NACC2: variants seen among roughly 807,000 people sequenced by gnomAD.
The protein encoded by NACC2 is nucleus accumbens-associated protein 2.
In NACC2, 8 loss-of-function variants were observed where a neutral mutation model predicts 25.1. The observed-to-expected ratio is 0.32, with a 90% CI of 0.19 to 0.57. The LOEUF (loss-of-function observed/expected upper bound fraction) is 0.57. Ranked by LOEUF, NACC2 falls within the 20% of genes least tolerant of loss-of-function variation. NACC2 has a pLI of 0.89. For synonymous variants in NACC2, 435 were observed against 294.7 expected, an observed-to-expected ratio of 1.48 and a Z score of -4.88; for missense variants, 644 against 650.2, an observed-to-expected ratio of 0.99 and a Z score of 0.10.
chr9:136,016,436 G>A lies in NACC2; in HGVS notation c.887-7C>T, dbSNP rs763176371. The A allele has an allele frequency of 1.9e-6, 3 of 1,610,764 alleles. No individual in the cohort carries two copies. The South Asian group carries it at 3.3e-5, about 18-fold the overall frequency. On this transcript the variant is annotated splice_polypyrimidine_tract_variant and splice_region_variant and intron_variant, in intron 2 of 5. Transcript: ENST00000277554. ...GGCTCAGGCTTCTCTTGCACTGTGG[G>A]CCCAGAACCAACCTGGTCAGATGGG...
chr9:136,067,672 T>G lies in NACC2; in HGVS notation c.-59-17092A>C, dbSNP rs150241294. ...CAACATGGTGAAACCCTGTCTCTAC[T>G]GAAAATACAAAAATTAGCCGAGCGT... On this transcript the variant is annotated intron_variant, in intron 1 of 5. Transcript: ENST00000277554. Among the ~76,000 whole-genome samples, 630 of 152,276 alleles carry G rather than the reference T, an allele frequency of 4.1e-3. 23 individuals are homozygous for G. The East Asian group carries it at 0.1, about 25-fold the overall frequency.
At chr9:136,059,212 C>T (rs1233049022) in intron 1 of NACC2, among the ~76,000 whole-genome samples, 1 of 152,190 alleles carries the variant, frequency 6.6e-6, no homozygotes, top group Admixed American at 6.5e-5. Flanking sequence ...AGGGCCATTC[C>T]CCGGGACTAG....
intron 1 of NACC2, among the ~76,000 whole-genome samples, chr9:136,090,882 C>T (rs901426904): frequency 2.0e-5 from 3 of 152,060 alleles, no homozygotes; most frequent in Admixed American, 2.0e-4. Context: ...TGCCGTTCAC[C>T]CCAGTGACTA....
intron 1 of NACC2, among the ~76,000 whole-genome samples, chr9:136,056,537 C>T (rs936109117): frequency 6.6e-6 from 1 of 152,216 alleles, no homozygotes; most frequent in Non-Finnish European, 1.5e-5. Flanking sequence ...CCCCGCCCAA[C>T]AGACCCCGGG....
rs1181140921 is a variant in NACC2 at position 136,022,871 on chromosome 9, G to T, written c.887-6442C>A. On this transcript the variant is annotated intron_variant, in intron 2 of 5. Transcript: ENST00000277554. This position sits in a 1 kb window ranked among gnomAD's most constrained non-coding sequence, Gnocchi z 4.4. ...AATTTAATCATGCCACGCCATAACT[G>T]GGAAGGCAAACCATCACCAATTACC... Among the ~76,000 whole-genome samples the T allele has an allele frequency of 1.3e-5, 2 of 150,760 alleles. No individual in the cohort carries two copies. Among genetic ancestry groups the T allele is most frequent in the Admixed American group, 6.6e-5 (1 of 15,064 alleles).
chr9:136,069,953 C>A (rs954026239), intron 1 of NACC2, among the ~76,000 whole-genome samples: 1 of 151,902 alleles, frequency 6.6e-6, no homozygotes, highest in South Asian at 2.1e-4. Context: ...TCAGCAGGAT[C>A]TAACTGACAT....
At chr9:136,016,095 T>C (rs1345853760) in intron 3 of NACC2, among the ~76,000 whole-genome samples, 170 bp downstream of exon 3, 1 of 152,234 alleles carries the variant, frequency 6.6e-6, no homozygotes. Flanking sequence ...ATTAATTCAA[T>C]TGAATAACTT....
At chr9:136,077,592 G>A (rs1830276117) in intron 1 of NACC2, among the ~76,000 whole-genome samples, 1 of 152,144 alleles carries the variant, frequency 6.6e-6, no homozygotes, top group Non-Finnish European at 1.5e-5. Context: ...ATCAAGAAAA[G>A]GGAAACGCAC....
intron 1 of NACC2, among the ~76,000 whole-genome samples, chr9:136,061,897 A>G (rs943037831): frequency 2.0e-5 from 3 of 152,330 alleles, no homozygotes; most frequent in African/African-American, 7.2e-5. Context: ...AGGCGGGCGG[A>G]TCACCTGAGG....
chr9:136,060,631 C>G (rs1262363060), intron 1 of NACC2, among the ~76,000 whole-genome samples: 1 of 152,260 alleles, frequency 6.6e-6, no homozygotes, highest in African/African-American at 2.4e-5. Context: ...CTGGCCAAGG[C>G]CGCACCCCAG....
At chr9:136,067,440 C>CGATGGGGATATAT (rs1841098656) in intron 1 of NACC2, among the ~76,000 whole-genome samples, 1 of 152,114 alleles carries the variant, frequency 6.6e-6, no homozygotes. Flanking sequence ...TGTTGATTAA[C>CGATGGGGATATAT]GACGGGGATA....
At chr9:136,038,780 G>A (rs935015230) in intron 2 of NACC2, among the ~76,000 whole-genome samples, 1 of 152,104 alleles carries the variant, frequency 6.6e-6, no homozygotes, top group African/African-American at 2.4e-5. Flanking sequence ...GAGGGGCATC[G>A]CACAATTGAG....
rs1316428912 is a variant in NACC2, at chr9:136,021,018, A to G, written c.887-4589T>C. Among the ~76,000 whole-genome samples, 11 of 152,078 alleles carry G rather than the reference A, an allele frequency of 7.2e-5. No homozygotes were observed. The South Asian group carries it at 2.1e-3, about 29-fold the overall frequency. On this transcript the variant is annotated intron_variant, in intron 2 of 5. Coordinates refer to ENST00000277554, the MANE Select transcript of NACC2 (RefSeq NM_144653.5). ...ACAAGGCCCCCAAAGCACGATCCAC[A>G]ATGGAAATGATTGACGAGCTAGAAT...
chr9:136,033,862 A>G (rs1840510945), intron 2 of NACC2, among the ~76,000 whole-genome samples: 2 of 151,646 alleles, frequency 1.3e-5, no homozygotes, highest in African/African-American at 4.8e-5. Context: ...ATCAGTCAAA[A>G]GAATCAATGC....
chr9:136,031,402 A>G (rs1422165544), intron 2 of NACC2, among the ~76,000 whole-genome samples: 1 of 152,116 alleles, frequency 6.6e-6, no homozygotes, highest in Non-Finnish European at 1.5e-5. Flanking sequence ...CAGTGGCACA[A>G]TCTCGGCTCA....
At position 136,020,542 on chromosome 9, in the gene NACC2, C is replaced by T. The variant is rs555395538; in HGVS notation, c.887-4113G>A. ...CTGGTGGAGCCCAGCAGAGCCTCGG[C>T]GGGGGTAGGAGGGAGACGGGGAGGC... is the stretch of plus-strand genomic sequence containing the variant. On this transcript the variant is annotated intron_variant, in intron 2 of 5. Coordinates refer to ENST00000277554, the MANE Select transcript of NACC2 (RefSeq NM_144653.5). This position sits in a 1 kb window ranked among gnomAD's most constrained non-coding sequence, Gnocchi z 4.7. Among the ~76,000 whole-genome samples, 200 of 152,190 alleles carry T rather than the reference C, an allele frequency of 1.3e-3. 1 individual carries two copies. Among genetic ancestry groups the T allele is most frequent in the African/African-American group, 4.5e-3 (187 of 41,534 alleles).
chr9:136,068,612 G>A (rs191097644), intron 1 of NACC2, among the ~76,000 whole-genome samples: 143 of 151,426 alleles, frequency 9.4e-4, no homozygotes, highest in Admixed American at 1.6e-3. Context: ...CACTGTATAC[G>A]CTGTCCCCTG....
chr9:136,078,358 G>A (rs745743553), intron 1 of NACC2, among the ~76,000 whole-genome samples: 15 of 152,222 alleles, frequency 9.9e-5, no homozygotes, highest in Non-Finnish European at 2.2e-4. Context: ...TCTGGGGGCA[G>A]GTTCTCCAAA....
At chr9:136,079,729 G>GT (rs1420076784) in intron 1 of NACC2, among the ~76,000 whole-genome samples, 1 of 152,170 alleles carries the variant, frequency 6.6e-6, no homozygotes, top group African/African-American at 2.4e-5. Flanking sequence ...AGCCAGATGG[G>GT]TCTCAGGCCT....
Sources: gnomAD v4.1 joint callset for allele counts (sites outside exome capture counted in the v4.1 genomes callset) on GRCh38, gnomAD v4.1.1 for gene constraint, Gnocchi (gnomAD v3.1) non-coding constraint, MANE v1.5 for transcripts, NCBI Gene and HGNC (gene_info 2026-07-23, HGNC 2026-07-21) for gene names.